The following PALM2AKAP2 variants were observed in gnomAD, a reference collection of about 807,000 sequenced individuals.
The protein encoded by PALM2AKAP2 is PALM2 and AKAP2 fusion.
In PALM2AKAP2, 37 loss-of-function variants were observed where a neutral mutation model predicts 71.5. The observed-to-expected ratio is 0.52, with a 90% CI of 0.40 to 0.68. The LOEUF is 0.68. Among genes scored for constraint, PALM2AKAP2 ranks in the 30% least tolerant of loss-of-function variants. PALM2AKAP2 has a pLI of 0.00. For missense variants in PALM2AKAP2, 1,224 were observed against 1,191.8 expected (o/e 1.03, Z -0.40); for synonymous variants, 468 against 478.8 (o/e 0.98, Z 0.29).
chr9:110,019,064 T>G (rs1833029238), intron 7 of PALM2AKAP2, among the ~76,000 whole-genome samples: 1 of 151,662 alleles, frequency 6.6e-6, no homozygotes, highest in African/African-American at 2.4e-5. Context: ...ACATGTGAAA[T>G]GCCGACTCTA....
At chr9:110,077,714 C>T (rs1389258056) in intron 1 of PALM2AKAP2, among the ~76,000 whole-genome samples, 1 of 152,168 alleles carries the variant, frequency 6.6e-6, no homozygotes, top group Non-Finnish European at 1.5e-5. Context: ...AAGGGCCAGA[C>T]AGAAAATATT....
chr9:109,838,024 G>A (rs10980077), intron 1 of PALM2AKAP2, among the ~76,000 whole-genome samples: 43,023 of 151,860 alleles, frequency 0.28, 6,936 homozygotes, highest in Admixed American at 0.35. Context: ...TGCACCAAGC[G>A]GACCTAATAG....
intron 7 of PALM2AKAP2, 42 bp downstream of exon 7, chr9:110,016,081 A>G: frequency 6.3e-7 from 1 of 1,591,622 alleles, no homozygotes; most frequent in Non-Finnish European, 8.6e-7. Flanking sequence ...GTGTATCTCT[A>G]GAGTAAAGGC....
At chr9:109,776,801 T>A (rs1002953946), upstream of PALM2AKAP2, among the ~76,000 whole-genome samples, 10 of 152,254 alleles carry the variant, frequency 6.6e-5, no homozygotes, top group Admixed American at 6.5e-4. Flanking sequence ...TCCTCTCTTC[T>A]TTGGCTTTTT....
chr9:109,747,923 A>T (rs577988352), intron 1 of PALM2AKAP2, among the ~76,000 whole-genome samples: 232 of 152,326 alleles, frequency 1.5e-3, no homozygotes, highest in African/African-American at 4.7e-3. Flanking sequence ...TGCCTGCCTC[A>T]GCCTCCCAAA....
chr9:109,777,651 G>A (rs571887620), upstream of PALM2AKAP2, among the ~76,000 whole-genome samples: 4 of 152,200 alleles, frequency 2.6e-5, no homozygotes, highest in East Asian at 7.7e-4. Flanking sequence ...TCATCTTCTG[G>A]ACACAAGTCA....
chr9:109,880,809 A>C, intron 3 of PALM2AKAP2, 128 bp downstream of exon 3: 1 of 1,353,084 alleles, frequency 7.4e-7, no homozygotes, highest in Non-Finnish European at 9.7e-7. Flanking sequence ...TCCTAAACAA[A>C]GCACATTGAT....
intron 1 of PALM2AKAP2, among the ~76,000 whole-genome samples, chr9:109,664,764 G>A (rs1827454470): frequency 6.6e-6 from 1 of 152,166 alleles, no homozygotes; most frequent in Non-Finnish European, 1.5e-5. Context: ...AGTTCTCCTG[G>A]ATAATACCCT....
At chr9:109,742,170 G>A (rs36187719) in intron 1 of PALM2AKAP2, among the ~76,000 whole-genome samples, 1,676 of 152,096 alleles carry the variant, frequency 0.011, 13 homozygotes, top group Non-Finnish European at 0.016. Context: ...ATTTTCCTGT[G>A]TAGCCTGTGG....
chr9:110,166,472 G>A (rs4978412), intron 3 of PALM2AKAP2, among the ~76,000 whole-genome samples: 16,994 of 152,192 alleles, frequency 0.11, 1,606 homozygotes, highest in East Asian at 0.46. Context: ...GTCCAGTGCT[G>A]TTTTTCAGTT....
chr9:110,131,514 G>C (rs1392563231), intron 1 of PALM2AKAP2, among the ~76,000 whole-genome samples: 1 of 152,178 alleles, frequency 6.6e-6, no homozygotes, highest in Non-Finnish European at 1.5e-5. Flanking sequence ...AGAGCAATAA[G>C]CATTTGTTGG....
At chr9:110,098,016 T>G (rs536015850) in intron 1 of PALM2AKAP2, among the ~76,000 whole-genome samples, 1 of 144,028 alleles carries the variant, frequency 6.9e-6, no homozygotes, top group Non-Finnish European at 1.5e-5. Flanking sequence ...CGAAAACCAG[T>G]CAGGCGTGGC....
intron 1 of PALM2AKAP2, among the ~76,000 whole-genome samples, chr9:109,673,981 C>G (rs1827612998): frequency 6.6e-6 from 1 of 151,850 alleles, no homozygotes; most frequent in Non-Finnish European, 1.5e-5. Context: ...TATTTTGAGT[C>G]TATGTTTGTC....
chr9:109,885,978 T>G lies in PALM2AKAP2; in HGVS notation c.257+5297T>G, dbSNP rs775604900. On this transcript the variant is annotated intron_variant, in intron 3 of 9. Transcript: ENST00000302798. ...GAAGAGGAAAACCCGGCTGCCACAG[T>G]GGAGAAATAGATTGTCATTCTTTTG... Among the ~76,000 whole-genome samples the G allele has an allele frequency of 2.0e-5, 3 of 152,312 alleles. No individual in the cohort carries two copies. In the East Asian group the frequency reaches 5.8e-4, roughly 29 times the overall value.
At chr9:109,822,028 A>G (rs958827946) in intron 1 of PALM2AKAP2, among the ~76,000 whole-genome samples, 2 of 152,220 alleles carry the variant, frequency 1.3e-5, no homozygotes, top group Admixed American at 6.5e-5. Context: ...TGAAGGGTAA[A>G]ATAATACCAG....
chr9:109,920,465 T>C (rs1202605588), intron 3 of PALM2AKAP2, among the ~76,000 whole-genome samples: 3 of 151,670 alleles, frequency 2.0e-5, no homozygotes, highest in African/African-American at 7.3e-5. Flanking sequence ...TTGCAGCCTC[T>C]GTCTCCTGGG....
intron 2 of PALM2AKAP2, among the ~76,000 whole-genome samples, chr9:110,143,265 A>C (rs1400889798): frequency 6.6e-6 from 1 of 151,548 alleles, no homozygotes; most frequent in East Asian, 1.9e-4. Flanking sequence ...AAAAAAAAAA[A>C]AGAAAAATTA....
chr9:109,781,723 T>A (rs2118801613), intron 1 of PALM2AKAP2, among the ~76,000 whole-genome samples: 1 of 152,314 alleles, frequency 6.6e-6, no homozygotes, highest in East Asian at 1.9e-4. Context: ...GTGAGAGAGA[T>A]GTTTGCTGGC....
intron 1 of PALM2AKAP2, among the ~76,000 whole-genome samples, chr9:109,809,175 T>C (rs1243744687): frequency 1.3e-5 from 2 of 152,116 alleles, no homozygotes; most frequent in African/African-American, 4.8e-5. Flanking sequence ...AGGCCATTGC[T>C]CTCCAGACTC....
Sources: allele counts gnomAD v4.1 joint callset (sites outside exome capture counted in the v4.1 genomes callset), GRCh38; gene constraint gnomAD v4.1.1; transcripts MANE v1.5; gene names NCBI Gene and HGNC (gene_info 2026-07-23, HGNC 2026-07-21).